SORCS1: variants seen among roughly 807,000 people sequenced by gnomAD.
SORCS1 encodes VPS10 domain-containing receptor SorCS1.
In SORCS1, 60 loss-of-function variants were observed where a neutral mutation model predicts 146.1. The observed-to-expected ratio is 0.41, with a 90% CI of 0.33 to 0.51. SORCS1 has a LOEUF of 0.51. Among genes scored for constraint, SORCS1 ranks in the 20% least tolerant of loss-of-function variants. The pLI is 0.21. For missense variants in SORCS1, 1,352 were observed against 1,487.6 expected (o/e 0.91, Z 1.50); for synonymous variants, 637 against 584.0 (o/e 1.09, Z -1.31).
chr10:106,943,548 C>T (rs1390196773), intron 2 of SORCS1, among the ~76,000 whole-genome samples: 2 of 152,070 alleles, frequency 1.3e-5, no homozygotes, highest in Non-Finnish European at 2.9e-5. Flanking sequence ...TGGCTCACAC[C>T]TGTAATCCCA....
chr10:106,753,306 C>A (rs901942708), intron 5 of SORCS1, among the ~76,000 whole-genome samples: 6 of 152,096 alleles, frequency 3.9e-5, no homozygotes, highest in African/African-American at 1.2e-4. Flanking sequence ...CCATCTCGCG[C>A]CACATTCTCT....
At chr10:106,939,293 T>C (rs1239475374) in intron 2 of SORCS1, among the ~76,000 whole-genome samples, 1 of 152,254 alleles carries the variant, frequency 6.6e-6, no homozygotes, top group Non-Finnish European at 1.5e-5. Flanking sequence ...TTTGGAATAA[T>C]GCAATGAATA....
rs767338587 is a variant in SORCS1, at chr10:107,037,463, A to G, written c.559-80883T>C. The stretch of plus-strand genomic sequence containing the variant: ...GCTTAATAAGAATCAAACAACCATA[A>G]TATGTTTGCATTTCTATCTGGCTCC... On this transcript the variant is annotated intron_variant, in intron 1 of 25. Coordinates refer to ENST00000263054, the MANE Select transcript of SORCS1 (RefSeq NM_052918.5). Among the ~76,000 whole-genome samples, 40 of 152,204 alleles carry G rather than the reference A, an allele frequency of 2.6e-4. 1 individual carries two copies. The highest frequency in any genetic ancestry group is 1.8e-3 in the Admixed American group (27 of 15,276).
At chr10:106,961,600 T>A (rs1955226730) in intron 1 of SORCS1, among the ~76,000 whole-genome samples, 1 of 152,174 alleles carries the variant, frequency 6.6e-6, no homozygotes, top group Non-Finnish European at 1.5e-5. Flanking sequence ...TGGAGGAACT[T>A]ATTTCCTGGT....
chr10:107,139,320 A>G (rs1177284316), intron 1 of SORCS1, among the ~76,000 whole-genome samples: 1 of 152,166 alleles, frequency 6.6e-6, no homozygotes, highest in Non-Finnish European at 1.5e-5. Context: ...TTGATATAAG[A>G]TTGGCTTATT....
chr10:106,883,972 ATTG>A lies in SORCS1; in HGVS notation c.627-54302_627-54300del, dbSNP rs1284612514. ...CATAGCTAGAGTTCTGAGCCAATAG[ATTG>A]TTATTTTTTTTGCTGAGAACATAAG... On this transcript the variant is annotated intron_variant, in intron 2 of 25. Coordinates refer to ENST00000263054, the MANE Select transcript of SORCS1 (RefSeq NM_052918.5). Among the ~76,000 whole-genome samples the A allele has an allele frequency of 4.6e-5, 7 of 152,208 alleles. No homozygotes were observed. The East Asian group carries it at 1.2e-3, about 25-fold the overall frequency.
chr10:106,932,611 C>G, intron 2 of SORCS1, among the ~76,000 whole-genome samples: 1 of 152,134 alleles, frequency 6.6e-6, no homozygotes, highest in South Asian at 2.1e-4. Context: ...GTTAACTATC[C>G]AAGAGAAACA....
intron 1 of SORCS1, among the ~76,000 whole-genome samples, chr10:107,046,904 A>G (rs1156255012): frequency 1.3e-5 from 2 of 152,234 alleles, no homozygotes; most frequent in African/African-American, 4.8e-5. Context: ...CTCTATCATG[A>G]TGGTGGCTAC....
At chr10:106,984,487 G>A (rs753568670) in intron 1 of SORCS1, among the ~76,000 whole-genome samples, 23 of 148,230 alleles carry the variant, frequency 1.6e-4, no homozygotes, top group Non-Finnish European at 2.5e-4. Context: ...TCCACCTCCC[G>A]GGTTCACACC....
chr10:106,748,860 G>C (rs915971282), intron 5 of SORCS1, among the ~76,000 whole-genome samples: 3 of 152,046 alleles, frequency 2.0e-5, no homozygotes, highest in African/African-American at 7.2e-5. Context: ...CTACATCTCA[G>C]CATTTTGCTT....
chr10:107,015,149 G>A (rs530814166), intron 1 of SORCS1, among the ~76,000 whole-genome samples: 23 of 152,274 alleles, frequency 1.5e-4, no homozygotes, highest in African/African-American at 5.5e-4. Context: ...TTCCATGAAG[G>A]AAATCATTCA....
rs986042592 is a variant in SORCS1 at position 106,812,190 on chromosome 10, C to T, written c.726+17384G>A. Among the ~76,000 whole-genome samples the T allele has an allele frequency of 3.3e-5, 5 of 152,062 alleles. No homozygotes were observed. The East Asian group carries it at 7.7e-4, about 24-fold the overall frequency. On this transcript the variant is annotated intron_variant, in intron 3 of 25. Coordinates refer to ENST00000263054, the MANE Select transcript of SORCS1 (RefSeq NM_052918.5). ...TAATTTTTTGTATTTTTAGTAGAGA[C>T]GTGGTTTCACTGTGTTAGCCAGGAT...
intron 1 of SORCS1, among the ~76,000 whole-genome samples, chr10:107,058,645 C>G (rs1960879545): frequency 6.6e-6 from 1 of 152,154 alleles, no homozygotes; most frequent in African/African-American, 2.4e-5. Context: ...CACTTTTATG[C>G]TTCAGTTTCC....
intron 4 of SORCS1, among the ~76,000 whole-genome samples, chr10:106,775,236 T>C (rs923777555): frequency 2.6e-5 from 4 of 152,236 alleles, no homozygotes; most frequent in South Asian, 2.1e-4. Context: ...GTGGATTAAA[T>C]GACTAATACT....
At chr10:106,883,770 C>G (rs1950894284) in intron 2 of SORCS1, among the ~76,000 whole-genome samples, 1 of 152,156 alleles carries the variant, frequency 6.6e-6, no homozygotes, top group African/African-American at 2.4e-5. Context: ...CTACTCATTT[C>G]TTTGACTTAA....
At chr10:106,748,516 C>T (rs769168553) in intron 5 of SORCS1, among the ~76,000 whole-genome samples, 6 of 152,058 alleles carry the variant, frequency 3.9e-5, no homozygotes, top group Non-Finnish European at 7.4e-5. Context: ...CCCTATTCCC[C>T]GAGATGCAAG....
At chr10:106,624,767 A>G (rs1312719613) in intron 19 of SORCS1, among the ~76,000 whole-genome samples, 1 of 152,256 alleles carries the variant, frequency 6.6e-6, no homozygotes, top group Non-Finnish European at 1.5e-5. Flanking sequence ...CATATACATT[A>G]TATATGCATA....
At chr10:106,806,661 G>A (rs947440092) in intron 3 of SORCS1, among the ~76,000 whole-genome samples, 45 of 151,028 alleles carry the variant, frequency 3.0e-4, no homozygotes, top group African/African-American at 1.0e-3. Context: ...GAGTACAGGT[G>A]CCCGCCACCT....
chr10:106,885,556 G>T (rs951955109), intron 2 of SORCS1, among the ~76,000 whole-genome samples: 9 of 148,456 alleles, frequency 6.1e-5, no homozygotes, highest in Non-Finnish European at 4.4e-5. Context: ...ACAACTAACA[G>T]GGCTATCTGG....
Sources: allele counts gnomAD v4.1 joint callset (sites outside exome capture counted in the v4.1 genomes callset), GRCh38; gene constraint gnomAD v4.1.1; transcripts MANE v1.5; gene names NCBI Gene and HGNC (gene_info 2026-07-23, HGNC 2026-07-21).